TBCK: variants seen among roughly 807,000 people sequenced by gnomAD.
TBCK encodes the protein TBC1 domain containing kinase, also known as TBC domain-containing protein kinase-like protein.
TBCK carries 99 observed loss-of-function variants against 113.4 expected under a neutral mutation model. The ratio of observed to expected loss-of-function variants is 0.87; its 90% CI spans 0.74 to 1.03. TBCK has a LOEUF of 1.03. Among genes scored for constraint, TBCK ranks in the 50% least tolerant of loss-of-function variants. The pLI is 0.00. For synonymous variants in TBCK, 369 were observed against 370.8 expected (o/e 1.00, Z 0.05); for missense variants, 1,045 against 1,061.3 (o/e 0.98, Z 0.21).
Position 106,212,813 on chromosome 4 carries a change from C to T in TBCK, c.1797G>A (p.Gln599=). 6.2e-7 allele frequency: 1 copy of T among 1,612,316 alleles called. No individual in the cohort carries two copies. The highest frequency in any genetic ancestry group is 8.5e-7 in the Non-Finnish European group (1 of 1,179,006). The part of the protein sequence containing the change: ...VIQEYLTVFS[Q]MIAFHDPELS... ...GCTCTGGATCATGAAATGCAATCATCTGAGAGAAGACAGTCAGATACTCTG... is the reference window on the plus strand; with the variant it reads ...GCTCTGGATCATGAAATGCAATCATTTGAGAGAAGACAGTCAGATACTCTG... Residue 599 remains glutamine, a synonymous_variant, in exon 20 of 26, where the codon CAG becomes CAA. Coordinates refer to ENST00000394708, the MANE Select transcript of TBCK (RefSeq NM_001163435.3).
intron 10 of TBCK, among the ~76,000 whole-genome samples, chr4:106,245,605 A>C (rs1467282733): frequency 2.0e-5 from 3 of 152,120 alleles, no homozygotes; most frequent in African/African-American, 7.2e-5. Flanking sequence ...CTCCTACTGG[A>C]GGTATGCCAT....
chr4:106,281,901 G>A (rs185155608), intron 3 of TBCK, among the ~76,000 whole-genome samples: 1 of 152,162 alleles, frequency 6.6e-6, no homozygotes, highest in African/African-American at 2.4e-5. Context: ...TTGGGTATCA[G>A]GGTAATATTG....
At chr4:106,285,833 G>T (rs1278045771) in intron 3 of TBCK, among the ~76,000 whole-genome samples, 5 of 152,248 alleles carry the variant, frequency 3.3e-5, no homozygotes, top group South Asian at 4.1e-4. Context: ...GTAAAGGAAA[G>T]AACTAATTTA....
chr4:106,120,627 G>GGA (rs1269340372), intron 23 of TBCK, among the ~76,000 whole-genome samples: 1 of 152,208 alleles, frequency 6.6e-6, no homozygotes, highest in Admixed American at 6.5e-5. Context: ...CTGAGAACCA[G>GGA]CAGACTGTCT....
chr4:106,306,750 C>T (rs1369536346), intron 2 of TBCK, among the ~76,000 whole-genome samples: 2 of 152,104 alleles, frequency 1.3e-5, no homozygotes, highest in African/African-American at 4.8e-5. Flanking sequence ...GCTCTGACTT[C>T]CCAATTTGTT....
intron 19 of TBCK, 111 bp downstream of exon 19, chr4:106,230,252 G>A: frequency 1.9e-6 from 1 of 527,432 alleles, no homozygotes; most frequent in East Asian, 3.1e-5. Context: ...TTATTGGATG[G>A]ACCATCATCG....
At chr4:106,264,656 C>T (rs915609146) in intron 3 of TBCK, among the ~76,000 whole-genome samples, 1 of 151,914 alleles carries the variant, frequency 6.6e-6, no homozygotes, top group Non-Finnish European at 1.5e-5. Flanking sequence ...GCCACTTAAA[C>T]CCTAGCTGTC....
At chr4:106,192,481 G>GA (rs1753773297) in intron 22 of TBCK, among the ~76,000 whole-genome samples, 1 of 151,734 alleles carries the variant, frequency 6.6e-6, no homozygotes, top group Non-Finnish European at 1.5e-5. Context: ...TAATCTCCCA[G>GA]AAAAAAATAT....
At chr4:106,189,442 A>G (rs1033289572) in intron 22 of TBCK, among the ~76,000 whole-genome samples, 8 of 152,132 alleles carry the variant, frequency 5.3e-5, no homozygotes, top group African/African-American at 1.9e-4. Flanking sequence ...GCTTCAGGTA[A>G]AGTGGCATCA....
intron 24 of TBCK, among the ~76,000 whole-genome samples, chr4:106,110,030 A>G (rs1742659274): frequency 6.6e-6 from 1 of 152,246 alleles, no homozygotes; most frequent in Non-Finnish European, 1.5e-5. Context: ...TAGTTTATTT[A>G]GGCCTTGGAA....
intron 23 of TBCK, among the ~76,000 whole-genome samples, chr4:106,119,494 C>T (rs1015203841): frequency 6.6e-6 from 1 of 152,048 alleles, no homozygotes; most frequent in African/African-American, 2.4e-5. Context: ...CTATCTCTTA[C>T]TATATGCAAA....
At chr4:106,066,931 G>A (rs950045753) in intron 25 of TBCK, among the ~76,000 whole-genome samples, 1 of 151,938 alleles carries the variant, frequency 6.6e-6, no homozygotes, top group Non-Finnish European at 1.5e-5. Context: ...ATAGACACTT[G>A]GGTTGTTTCC....
chr4:106,229,736 G>A (rs149676051), intron 19 of TBCK, among the ~76,000 whole-genome samples: 11 of 150,608 alleles, frequency 7.3e-5, no homozygotes, highest in African/African-American at 2.4e-4. Flanking sequence ...GTCTTTTGTG[G>A]GTCCATATAA....
intron 3 of TBCK, among the ~76,000 whole-genome samples, chr4:106,281,964 G>A (rs1764641107): frequency 6.6e-6 from 1 of 152,188 alleles, no homozygotes; most frequent in African/African-American, 2.4e-5. Flanking sequence ...TTTCAGAACA[G>A]TTTGAGTACA....
chr4:106,236,883 G>T, intron 12 of TBCK, 75 bp from the exon 13 acceptor site: 1 of 784,976 alleles, frequency 1.3e-6, no homozygotes, highest in Non-Finnish European at 1.9e-6. Context: ...AAAAAGACAA[G>T]TAATATAACA....
chr4:106,226,150 C>T (rs1758223262), intron 19 of TBCK, among the ~76,000 whole-genome samples: 1 of 151,978 alleles, frequency 6.6e-6, no homozygotes, highest in African/African-American at 2.4e-5. Flanking sequence ...GGTGAAAGAG[C>T]CAGACCTTGT....
At chr4:106,153,700 T>C (rs758718228) in intron 23 of TBCK, among the ~76,000 whole-genome samples, 5 of 152,118 alleles carry the variant, frequency 3.3e-5, no homozygotes, top group Non-Finnish European at 5.9e-5. Context: ...GGGTTCCATC[T>C]CTCTCTTTAG....
intron 22 of TBCK, among the ~76,000 whole-genome samples, chr4:106,189,342 CAAAAA>C (rs1189938399): frequency 3.4e-5 from 2 of 59,444 alleles, no homozygotes; most frequent in Non-Finnish European, 3.9e-5. Context: ...GACTCCATCT[CAAAAA>C]AAAAAAAAAA....
At chr4:106,257,360 G>T (rs936956459) in intron 5 of TBCK, among the ~76,000 whole-genome samples, 1 of 152,000 alleles carries the variant, frequency 6.6e-6, no homozygotes, top group Non-Finnish European at 1.5e-5. Context: ...TTAAATATAT[G>T]TATCATCTAT....
Sources: gnomAD v4.1 joint callset for allele counts (sites outside exome capture counted in the v4.1 genomes callset) on GRCh38, gnomAD v4.1.1 for gene constraint, MANE v1.5 for transcripts, NCBI Gene and HGNC (gene_info 2026-07-23, HGNC 2026-07-21) for gene names.